The following APPBP2 variants were observed in gnomAD, a reference collection of about 807,000 sequenced individuals.
APPBP2 encodes the protein amyloid protein-binding protein 2.
A neutral mutation model predicts 76.0 loss-of-function variants in APPBP2; 15 were observed. That is an observed-to-expected ratio of 0.20 (90% CI 0.13 to 0.30). The LOEUF is 0.30. Ranked by LOEUF, APPBP2 falls within the 10% of genes least tolerant of loss-of-function variation. APPBP2 has a pLI of 1.00. For synonymous variants in APPBP2, 222 were observed against 242.2 expected (o/e 0.92, Z 0.77); for missense variants, 401 against 687.2 (o/e 0.58, Z 4.66).
chr17:60,495,254 G>A (rs920688960), intron 2 of APPBP2, among the ~76,000 whole-genome samples: 5 of 151,418 alleles, frequency 3.3e-5, no homozygotes, highest in African/African-American at 1.2e-4. Flanking sequence ...CCAAAGTGCT[G>A]GGATTACAGG....
At chr17:60,522,513 A>T (rs995347128) in intron 1 of APPBP2, among the ~76,000 whole-genome samples, 10 of 152,012 alleles carry the variant, frequency 6.6e-5, no homozygotes, top group African/African-American at 2.4e-4. Flanking sequence ...TTTGTAGAGA[A>T]GGGGTCTATG....
chr17:60,510,720 GA>G (rs939968830), intron 1 of APPBP2, among the ~76,000 whole-genome samples: 7 of 150,672 alleles, frequency 4.6e-5, no homozygotes, highest in East Asian at 3.9e-4. Context: ...TGTTTCTGGG[GA>G]AAAAAAAATC....
intron 5 of APPBP2, 38 bp from the exon 6 acceptor site, chr17:60,464,148 T>TTATAG: frequency 6.6e-7 from 1 of 1,509,896 alleles, no homozygotes; most frequent in Non-Finnish European, 9.1e-7. Flanking sequence ...GAACTGTGGT[T>TTATAG]AAATCAAGTT....
At chr17:60,470,554 C>T (rs908356104) in intron 4 of APPBP2, among the ~76,000 whole-genome samples, 7 of 152,096 alleles carry the variant, frequency 4.6e-5, no homozygotes, top group Non-Finnish European at 8.8e-5. Flanking sequence ...GTGTGAGCCA[C>T]CATGCCCAGC....
intron 8 of APPBP2, 145 bp downstream of exon 8, chr17:60,461,665 A>G: frequency 1.7e-6 from 1 of 591,712 alleles, no homozygotes; most frequent in Non-Finnish European, 3.0e-6. Flanking sequence ...TCTAGGTAAT[A>G]CTTAATAAAA....
At chr17:60,471,467 A>C (rs1298219867) in intron 4 of APPBP2, among the ~76,000 whole-genome samples, 2 of 151,560 alleles carry the variant, frequency 1.3e-5, no homozygotes, top group Non-Finnish European at 2.9e-5. Context: ...AATACTCTTT[A>C]TCATATTGAA....
intron 4 of APPBP2, among the ~76,000 whole-genome samples, chr17:60,478,404 A>C (rs2090606117): frequency 6.6e-6 from 1 of 152,180 alleles, no homozygotes; most frequent in Admixed American, 6.5e-5. Context: ...ATAAATGTAT[A>C]CTCAAAGAAA....
In APPBP2 at chr17:60,462,351, G is replaced by A. The variant is rs956831528; in HGVS notation, c.763-290C>T. Reference sequence around the variant, plus strand: ...CAAAGCTGGTATACCCCCATTTTCCGCTATTATTAAAATAAAACAATGGGG... The same window carrying A: ...CAAAGCTGGTATACCCCCATTTTCCACTATTATTAAAATAAAACAATGGGG... On this transcript the variant is annotated intron_variant, in intron 6 of 12. Coordinates refer to ENST00000083182, the MANE Select transcript of APPBP2 (RefSeq NM_006380.5). 45 of 272,512 alleles carry A rather than the reference G, an allele frequency of 1.7e-4. 1 individual carries two copies. The East Asian group carries it at 3.0e-3, about 18-fold the overall frequency. The allele number at this position is 272,512 out of a possible 1,614,324, so 16.9% of individuals were successfully genotyped here. A position where few individuals can be genotyped will look rare whatever the true frequency, so the allele number is the denominator to read the frequency against.
At chr17:60,474,599 G>A (rs1237151994) in intron 4 of APPBP2, among the ~76,000 whole-genome samples, 1 of 152,102 alleles carries the variant, frequency 6.6e-6, no homozygotes, top group Non-Finnish European at 1.5e-5. Flanking sequence ...CAAAATACAG[G>A]TTGAGTATCC....
At chr17:60,508,729 A>G (rs933279311) in intron 1 of APPBP2, among the ~76,000 whole-genome samples, 1 of 152,202 alleles carries the variant, frequency 6.6e-6, no homozygotes, top group African/African-American at 2.4e-5. Context: ...ATGGGTACCT[A>G]GTCCAAATTG....
Position 60,490,672 on chromosome 17 carries a change from A to G in APPBP2, c.379+3794T>C, listed in dbSNP as rs1598362491. On this transcript the variant is annotated intron_variant, in intron 3 of 12. Transcript: ENST00000083182. ...CCACACAAATCTCATCTTGAATTGT[A>G]GCTCCCATAATTCCCACATTATGGG... 2.0e-5 allele frequency among the ~76,000 whole-genome samples: 3 copies of G among 152,194 alleles called. No individual in the cohort carries two copies. The East Asian group carries it at 5.8e-4, about 29-fold the overall frequency.
chr17:60,463,780 CAAT>C, intron 6 of APPBP2, among the ~76,000 whole-genome samples: 1 of 152,114 alleles, frequency 6.6e-6, no homozygotes, highest in South Asian at 2.1e-4. Flanking sequence ...TGCACTGAAA[CAAT>C]GATCAAAATG....
rs58923452 is a variant in APPBP2 at position 60,512,958 on chromosome 17, C to CTTT, written c.139-12474_139-12472dup. Among the ~76,000 whole-genome samples, 44 of 127,190 alleles carry CTTT rather than the reference C, an allele frequency of 3.5e-4. 1 individual carries two copies. The highest frequency in any genetic ancestry group is 1.3e-3 in the African/African-American group (42 of 32,942). 83.4% of individuals were successfully genotyped at this position (127,190 alleles called of 152,430 possible). On this transcript the variant is annotated intron_variant, in intron 1 of 12. Transcript: ENST00000083182. ...ACTTAAAAAAAAAATTTTTCTTTTC[C>CTTT]TTTTTTTTTTTTTTTTTGACCCTGG...
chr17:60,478,252 A>G (rs1329170056), intron 4 of APPBP2, among the ~76,000 whole-genome samples: 4 of 152,164 alleles, frequency 2.6e-5, no homozygotes, highest in African/African-American at 9.7e-5. Flanking sequence ...ACTTTTAAGA[A>G]ATGCCAAATC....
chr17:60,518,239 A>G (rs977210519), intron 1 of APPBP2, among the ~76,000 whole-genome samples: 2 of 151,686 alleles, frequency 1.3e-5, no homozygotes, highest in Non-Finnish European at 2.9e-5. Flanking sequence ...TTGAGACACC[A>G]TTTTGCCATG....
At chr17:60,469,257 C>T (rs1231108107) in intron 4 of APPBP2, among the ~76,000 whole-genome samples, 3 of 140,388 alleles carry the variant, frequency 2.1e-5, no homozygotes, top group African/African-American at 8.2e-5. Flanking sequence ...ACCCAGGAGG[C>T]AGAGATTGCA....
chr17:60,509,378 C>CA (rs751824797), intron 1 of APPBP2, among the ~76,000 whole-genome samples: 400 of 98,814 alleles, frequency 4.0e-3, no homozygotes, highest in Middle Eastern at 0.012. Context: ...GACTCCGTCT[C>CA]AAAAAAAAAA....
At chr17:60,514,673 A>G (rs940824384) in intron 1 of APPBP2, among the ~76,000 whole-genome samples, 15 of 151,156 alleles carry the variant, frequency 9.9e-5, no homozygotes, top group Non-Finnish European at 2.1e-4. Flanking sequence ...ATCCTCTAAC[A>G]GGATTTTCCA....
At chr17:60,497,371 GC>G (rs998455543) in intron 2 of APPBP2, among the ~76,000 whole-genome samples, 8 of 151,984 alleles carry the variant, frequency 5.3e-5, no homozygotes, top group African/African-American at 1.9e-4. Context: ...GGAGAGGGGG[GC>G]AAATGAAGAT....
Sources: gnomAD v4.1 joint callset for allele counts (sites outside exome capture counted in the v4.1 genomes callset) on GRCh38, gnomAD v4.1.1 for gene constraint, MANE v1.5 for transcripts, NCBI Gene and HGNC (gene_info 2026-07-23, HGNC 2026-07-21) for gene names.